Variants in RNF185 observed in about 807,000 individuals in gnomAD.
RNF185 encodes E3 ubiquitin-protein ligase RNF185.
A neutral mutation model predicts 24.9 loss-of-function variants in RNF185; 13 were observed. The observed-to-expected ratio is 0.52, with a 90% CI of 0.34 to 0.83. The LOEUF (loss-of-function observed/expected upper bound fraction) is 0.83. Among genes scored for constraint, RNF185 ranks in the 40% least tolerant of loss-of-function variants. The probability of loss-of-function intolerance (pLI) is 0.01; values close to 1 mark genes in which losing one functional copy is unlikely to be tolerated. For synonymous variants in RNF185, 79 were observed against 90.3 expected (o/e 0.88, Z 0.71); for missense variants, 184 against 244.7 (o/e 0.75, Z 1.65).
chr22:31,162,056 A>G (rs1923612357), intron 1 of RNF185, among the ~76,000 whole-genome samples: 1 of 151,964 alleles, frequency 6.6e-6, no homozygotes, highest in Admixed American at 6.6e-5. Context: ...ATCAAACATT[A>G]TTATGTCCTT....
At chr22:31,160,749 T>C (rs1923518867) in intron 1 of RNF185, among the ~76,000 whole-genome samples, 1 of 152,130 alleles carries the variant, frequency 6.6e-6, no homozygotes. Context: ...ATCTCTTCCC[T>C]GTGCTGGGCC....
At chr22:31,178,965 T>C (rs2048008609) in intron 1 of RNF185, among the ~76,000 whole-genome samples, 1 of 152,208 alleles carries the variant, frequency 6.6e-6, no homozygotes, top group South Asian at 2.1e-4. Context: ...CATTGCGTGG[T>C]GTCCTGGCCT....
At chr22:31,164,679 C>T (rs531848040) in intron 1 of RNF185, among the ~76,000 whole-genome samples, 7 of 150,412 alleles carry the variant, frequency 4.7e-5, no homozygotes, top group South Asian at 4.2e-4. Context: ...ACCCCCCTCC[C>T]GGGTTCAAGC....
chr22:31,167,959 A>G (rs946534634), intron 1 of RNF185, among the ~76,000 whole-genome samples: 2 of 152,120 alleles, frequency 1.3e-5, no homozygotes, highest in Non-Finnish European at 2.9e-5. Flanking sequence ...TTACCATCGT[A>G]ACCATTTTTT....
intron 1 of RNF185, among the ~76,000 whole-genome samples, chr22:31,163,043 C>T (rs892021708): frequency 1.3e-5 from 2 of 152,022 alleles, no homozygotes; most frequent in Non-Finnish European, 2.9e-5. Context: ...GGATTACAGG[C>T]GTGAGCCACC....
intron 2 of RNF185, 91 bp downstream of exon 2, chr22:31,187,361 C>CCA: frequency 2.2e-6 from 3 of 1,384,532 alleles, no homozygotes; most frequent in Non-Finnish European, 3.0e-6. Context: ...GCTTCCTGCT[C>CCA]ACTTTGGGAA....
chr22:31,167,217 C>A (rs1010568938), intron 1 of RNF185, among the ~76,000 whole-genome samples: 4 of 151,956 alleles, frequency 2.6e-5, no homozygotes, highest in Admixed American at 6.6e-5. Flanking sequence ...ACTCTGTGGC[C>A]TAGGCTGAAG....
intron 1 of RNF185, among the ~76,000 whole-genome samples, chr22:31,181,283 G>A (rs1439524632): frequency 1.3e-5 from 2 of 151,900 alleles, no homozygotes; most frequent in Non-Finnish European, 2.9e-5. Context: ...GGTTGAGCTT[G>A]CAGTGAGCTG....
chr22:31,160,773 C>G (rs5749222), intron 1 of RNF185, among the ~76,000 whole-genome samples: 107,477 of 152,076 alleles, frequency 0.71, 39,060 homozygotes, highest in African/African-American at 0.87. Context: ...GTTTTCTCGT[C>G]TCTAAAACGG....
At chr22:31,170,972 G>A (rs1036274544) in intron 1 of RNF185, among the ~76,000 whole-genome samples, 2 of 151,734 alleles carry the variant, frequency 1.3e-5, no homozygotes, top group Non-Finnish European at 2.9e-5. Flanking sequence ...TTTTAAAGAT[G>A]GACAGGTCTC....
intron 3 of RNF185, 41 bp from the exon 4 acceptor site, chr22:31,195,428 G>A: frequency 7.1e-7 from 1 of 1,418,366 alleles, no homozygotes. Context: ...ACTCTGGTGG[G>A]TCTTGGGCCA....
At chr22:31,187,375 A>T in intron 2 of RNF185, 105 bp downstream of exon 2, 1 of 1,245,060 alleles carries the variant, frequency 8.0e-7, no homozygotes, top group Non-Finnish European at 1.1e-6. Context: ...TTGGGAATAC[A>T]CTCAGGCTCA....
chr22:31,178,116 C>A (rs368118638), intron 1 of RNF185, among the ~76,000 whole-genome samples: 2 of 152,350 alleles, frequency 1.3e-5, no homozygotes, highest in East Asian at 3.9e-4. Context: ...TTAGTCCCAG[C>A]ACCACATGTG....
At chr22:31,167,176 T>C (rs958164391) in intron 1 of RNF185, among the ~76,000 whole-genome samples, 2 of 152,166 alleles carry the variant, frequency 1.3e-5, no homozygotes, top group Non-Finnish European at 2.9e-5. Flanking sequence ...ACTAATTTTA[T>C]CTATTTAAAT....
chr22:31,169,661 C>A (rs530317627), intron 1 of RNF185, among the ~76,000 whole-genome samples: 21 of 152,306 alleles, frequency 1.4e-4, no homozygotes, highest in African/African-American at 4.8e-4. Flanking sequence ...GTCCTCCCAC[C>A]TTTGCCTCTT....
At chr22:31,191,466 T>C (rs2147952371) in intron 2 of RNF185, among the ~76,000 whole-genome samples, 1 of 152,322 alleles carries the variant, frequency 6.6e-6, no homozygotes, top group Admixed American at 6.5e-5. Context: ...CATGCCTGCA[T>C]TTTCCACTGT....
chr22:31,170,184 T>G (rs1448637911), intron 1 of RNF185, among the ~76,000 whole-genome samples: 2 of 150,700 alleles, frequency 1.3e-5, no homozygotes, highest in Non-Finnish European at 3.0e-5. Flanking sequence ...GGTTTTTTGT[T>G]TTTTTTTTTT....
intron 1 of RNF185, among the ~76,000 whole-genome samples, chr22:31,167,110 TTTC>T (rs1388658671): frequency 2.6e-5 from 4 of 152,190 alleles, no homozygotes; most frequent in Admixed American, 2.6e-4. Flanking sequence ...GAGCATAGAT[TTTC>T]TTAAAATTTT....
chr22:31,178,864 C>A (rs547605073), intron 1 of RNF185, among the ~76,000 whole-genome samples: 8 of 152,198 alleles, frequency 5.3e-5, no homozygotes, highest in Non-Finnish European at 7.4e-5. Flanking sequence ...AAGACAAAAA[C>A]CAGGTATTTA....
Sources: allele counts gnomAD v4.1 joint callset (sites outside exome capture counted in the v4.1 genomes callset), GRCh38; gene constraint gnomAD v4.1.1; transcripts MANE v1.5; gene names NCBI Gene and HGNC (gene_info 2026-07-23, HGNC 2026-07-21).